RASSF8: variants seen among roughly 807,000 people sequenced by gnomAD.
RASSF8 encodes the protein ras association domain-containing protein 8.
Under a neutral mutation model 48.5 loss-of-function variants are expected in RASSF8, and 22 were observed. The ratio of observed to expected loss-of-function variants is 0.45; its 90% CI spans 0.32 to 0.65. The LOEUF is 0.65. RASSF8 is among the 30% of genes least tolerant of loss of function. The pLI is 0.03. For missense variants in RASSF8, 418 were observed against 489.2 expected (o/e 0.85, Z 1.37); for synonymous variants, 127 against 171.5 (o/e 0.74, Z 2.03).
intron 2 of RASSF8, among the ~76,000 whole-genome samples, chr12:26,002,131 AAT>A (rs1468847834): frequency 6.6e-6 from 1 of 152,134 alleles, no homozygotes; most frequent in Admixed American, 6.5e-5. Flanking sequence ...ATATAATTAC[AAT>A]ATATAACAAA....
intron 3 of RASSF8, among the ~76,000 whole-genome samples, chr12:26,057,100 T>TG (rs1555169455): frequency 7.8e-6 from 1 of 128,842 alleles, no homozygotes; most frequent in African/African-American, 2.6e-5. Context: ...AATGACACTT[T>TG]TGTGTGTGTG....
chr12:25,991,458 G>C (rs990928122), intron 1 of RASSF8, among the ~76,000 whole-genome samples: 2 of 151,592 alleles, frequency 1.3e-5, no homozygotes, highest in Non-Finnish European at 2.9e-5. Context: ...TTTGGATCAG[G>C]GATCCAGGAA....
intron 1 of RASSF8, among the ~76,000 whole-genome samples, chr12:25,987,044 C>T (rs1159148949): frequency 3.3e-5 from 5 of 152,164 alleles, no homozygotes; most frequent in East Asian, 3.8e-4. Flanking sequence ...AAGCGATTCT[C>T]GTGCCTCAGC....
intron 1 of RASSF8, among the ~76,000 whole-genome samples, chr12:25,960,725 T>C (rs1396748534): frequency 1.3e-5 from 2 of 152,234 alleles, no homozygotes; most frequent in African/African-American, 4.8e-5. Flanking sequence ...CAATTGGCAG[T>C]AATGCACTGA....
intron 3 of RASSF8, among the ~76,000 whole-genome samples, chr12:26,058,436 G>A (rs971332182): frequency 6.6e-6 from 1 of 152,214 alleles, no homozygotes; most frequent in Non-Finnish European, 1.5e-5. Context: ...ACCACAGGTG[G>A]CTGTCAAGAA....
intron 2 of RASSF8, among the ~76,000 whole-genome samples, chr12:26,003,355 C>T (rs1026241164): frequency 6.6e-6 from 1 of 152,102 alleles, no homozygotes; most frequent in African/African-American, 2.4e-5. Flanking sequence ...GTTCAGTGGG[C>T]TCGTGTTTTG....
intron 2 of RASSF8, among the ~76,000 whole-genome samples, chr12:26,028,458 T>G (rs984553703): frequency 6.6e-6 from 1 of 152,224 alleles, no homozygotes. Context: ...TGGGATTTCC[T>G]TTGGTGCTAC....
At position 25,963,266 on chromosome 12, in the gene RASSF8, C is replaced by T. The variant is rs535365899; in HGVS notation, c.-203+4118C>T. Among the ~76,000 whole-genome samples the T allele has an allele frequency of 4.1e-5, 6 of 145,294 alleles. No individual in the cohort carries two copies. The East Asian group carries it at 1.2e-3, about 29-fold the overall frequency. On this transcript the variant is annotated intron_variant, in intron 1 of 5. Transcript: ENST00000689635. Reference sequence around the variant, plus strand: ...TTTTTTTAAAAAAAGTGGGAGCCACCTAGAAGTCTGGAAGTTCTTTTCTTC... The same window carrying T: ...TTTTTTTAAAAAAAGTGGGAGCCACTTAGAAGTCTGGAAGTTCTTTTCTTC...
intron 2 of RASSF8, among the ~76,000 whole-genome samples, chr12:26,025,640 A>G (rs1267014795): frequency 6.6e-6 from 1 of 151,904 alleles, no homozygotes; most frequent in Non-Finnish European, 1.5e-5. Context: ...TACCTTGCAT[A>G]TGGAAAAATC....
intron 1 of RASSF8, among the ~76,000 whole-genome samples, chr12:25,977,734 T>C (rs1468489701): frequency 6.6e-6 from 1 of 151,940 alleles, no homozygotes; most frequent in East Asian, 1.9e-4. Flanking sequence ...AGTTACCAAG[T>C]TGGCCTTTTA....
intron 1 of RASSF8, among the ~76,000 whole-genome samples, chr12:25,982,717 A>C (rs908888706): frequency 6.6e-6 from 1 of 152,266 alleles, no homozygotes; most frequent in African/African-American, 2.4e-5. Context: ...ATGGGGAAAA[A>C]AGTTTAGTAG....
intron 2 of RASSF8, among the ~76,000 whole-genome samples, chr12:25,996,306 A>G (rs1053762857): frequency 6.6e-6 from 1 of 152,230 alleles, no homozygotes; most frequent in South Asian, 2.1e-4. Flanking sequence ...GCTATGTAGT[A>G]CAATTGACTA....
chr12:26,028,178 T>A (rs957881108), intron 2 of RASSF8, among the ~76,000 whole-genome samples: 2 of 135,272 alleles, frequency 1.5e-5, no homozygotes, highest in Admixed American at 7.1e-5. Flanking sequence ...TTTAAAAGTG[T>A]TTCACTCAGA....
rs12423273 is a variant in RASSF8, at chr12:26,000,147, C to G, written c.-109+5017C>G. Among the ~76,000 whole-genome samples, 416 of 152,150 alleles carry G rather than the reference C, an allele frequency of 2.7e-3. 1 individual carries two copies. Among genetic ancestry groups the G allele is most frequent in the Admixed American group, 0.011 (162 of 15,288 alleles). On this transcript the variant is annotated intron_variant, in intron 2 of 5. Coordinates refer to ENST00000689635, the MANE Select transcript of RASSF8 (RefSeq NM_001394098.1). Reference sequence around the variant, plus strand: ...GAATAATGAAGGAAAAGTTGTAATGCTAGACATTAATTTGAAAATGGTATG... The same window carrying G: ...GAATAATGAAGGAAAAGTTGTAATGGTAGACATTAATTTGAAAATGGTATG...
At chr12:25,985,101 C>T (rs1370673390) in intron 1 of RASSF8, among the ~76,000 whole-genome samples, 1 of 152,134 alleles carries the variant, frequency 6.6e-6, no homozygotes, top group Admixed American at 6.5e-5. Context: ...CCTGGATTGG[C>T]CTGCTAGTGC....
chr12:25,981,765 A>G (rs1941750346), intron 1 of RASSF8, among the ~76,000 whole-genome samples: 1 of 152,222 alleles, frequency 6.6e-6, no homozygotes, highest in African/African-American at 2.4e-5. Context: ...CCTTCCCTGA[A>G]TGATCTTTAC....
downstream of RASSF8, among the ~76,000 whole-genome samples, chr12:26,076,979 T>C (rs1944078339): frequency 6.6e-6 from 1 of 152,254 alleles, no homozygotes; most frequent in Admixed American, 6.5e-5. Flanking sequence ...AGATGGTATC[T>C]CATTGTGGTT....
chr12:26,027,322 G>A (rs1942936171), intron 2 of RASSF8, among the ~76,000 whole-genome samples: 1 of 152,216 alleles, frequency 6.6e-6, no homozygotes, highest in Non-Finnish European at 1.5e-5. Context: ...ATGCCTTAAA[G>A]TGAATTGTAT....
At chr12:26,025,413 C>G in intron 2 of RASSF8, among the ~76,000 whole-genome samples, 1 of 151,970 alleles carries the variant, frequency 6.6e-6, no homozygotes, top group Non-Finnish European at 1.5e-5. Flanking sequence ...AAAAATTAGC[C>G]AGGCGTGTTG....
Sources: allele counts gnomAD v4.1 joint callset (sites outside exome capture counted in the v4.1 genomes callset), GRCh38; gene constraint gnomAD v4.1.1; transcripts MANE v1.5; gene names NCBI Gene and HGNC (gene_info 2026-07-23, HGNC 2026-07-21).